TLK1: variants seen among roughly 807,000 people sequenced by gnomAD.
The protein encoded by TLK1 is tousled like kinase 1.
In TLK1, 24 loss-of-function variants were observed where a neutral mutation model predicts 105.3. The ratio of observed to expected loss-of-function variants is 0.23; its 90% confidence interval spans 0.17 to 0.32. The LOEUF (loss-of-function observed/expected upper bound fraction) is 0.32. Ranked by LOEUF, TLK1 falls within the 10% of genes least tolerant of loss-of-function variation. The pLI, the probability that TLK1 is intolerant of heterozygous loss-of-function variation, is 1.00. For synonymous variants in TLK1, 321 were observed against 310.4 expected, an observed-to-expected ratio of 1.03 and a Z score of -0.36; for missense variants, 558 against 910.5, an observed-to-expected ratio of 0.61 and a Z score of 4.98.
chr2:171,177,134 CTCTTT>C (rs948952287), intron 1 of TLK1, among the ~76,000 whole-genome samples: 1 of 150,788 alleles, frequency 6.6e-6, no homozygotes, highest in African/African-American at 2.4e-5. Context: ...TGCCTGACTC[CTCTTT>C]TCTTTTTTCT....
intron 1 of TLK1, among the ~76,000 whole-genome samples, chr2:171,186,950 C>T (rs1020541994): frequency 6.9e-6 from 1 of 145,608 alleles, no homozygotes; most frequent in Non-Finnish European, 1.5e-5. Context: ...CCCAGCTACT[C>T]GGGAGGCTGA....
chr2:171,117,900 G>A lies in TLK1; in HGVS notation c.140-43C>T, dbSNP rs749654625. On this transcript the variant is annotated intron_variant, in intron 1 of 20. Coordinates refer to ENST00000431350, the MANE Select transcript of TLK1 (RefSeq NM_012290.5). ...TATATATGTACACATATATATGTGT[G>A]TATACTTTATACTTACACACACAAA... 6.0e-6 allele frequency: 8 copies of A among 1,334,312 alleles called. No individual in the cohort carries two copies. The Admixed American group carries it at 6.2e-5, about 10-fold the overall frequency. 82.7% of individuals were successfully genotyped at this position (1,334,312 alleles called of 1,614,324 possible). A position where few individuals can be genotyped will look rare whatever the true frequency, so the allele number is the denominator to read the frequency against.
intron 14 of TLK1, among the ~76,000 whole-genome samples, chr2:171,008,630 C>CAT: frequency 6.6e-6 from 1 of 152,152 alleles, no homozygotes; most frequent in East Asian, 1.9e-4. Context: ...CAACATCTCC[C>CAT]ATCCTGGTAT....
chr2:171,135,303 TTGTGTG>T (rs769053145), intron 1 of TLK1, among the ~76,000 whole-genome samples: 1 of 106,070 alleles, frequency 9.4e-6, no homozygotes, highest in Non-Finnish European at 1.9e-5. Context: ...ATGTGTGTGT[TTGTGTG>T]TGTGTGTGTG....
At chr2:171,146,297 C>T (rs1003421923) in intron 1 of TLK1, among the ~76,000 whole-genome samples, 2 of 144,828 alleles carry the variant, frequency 1.4e-5, no homozygotes, top group South Asian at 2.1e-4. Flanking sequence ...ATACTCCAGC[C>T]GGGACAACAG....
intron 11 of TLK1, among the ~76,000 whole-genome samples, chr2:171,036,387 TC>T (rs907484114): frequency 3.3e-5 from 5 of 150,826 alleles, no homozygotes; most frequent in Admixed American, 6.6e-5. Flanking sequence ...AGACTCTGTC[TC>T]CCCCCCCAAA....
At chr2:171,045,426 C>CAACATGTTGGCCAGGCTGG (rs200238000) in intron 11 of TLK1, 1 of 135,038 alleles carries the variant, frequency 7.4e-6, no homozygotes, top group Non-Finnish European at 1.6e-5. Flanking sequence ...GACGGGGTTT[C>CAACATGTTGGCCAGGCTGG]TCTCTGAGAA....
chr2:171,202,334 C>T (rs953368355), intron 1 of TLK1, among the ~76,000 whole-genome samples: 4 of 152,102 alleles, frequency 2.6e-5, no homozygotes, highest in African/African-American at 9.7e-5. Context: ...TGCCTGTAAT[C>T]CCAGCTACTC....
Position 171,060,085 on chromosome 2 carries a change from T to C in TLK1, c.406+996A>G, listed in dbSNP as rs192305988. ...ACTGAAAGCCAGACTAAAGCAAATA[T>C]AAGTGAGGAAGGTGAAACAAGAAAA... On this transcript the variant is annotated intron_variant, in intron 4 of 20. Transcript: ENST00000431350. The C allele has an allele frequency of 9.2e-5, 142 of 1,545,812 alleles. No individual in the cohort carries two copies. The African/African-American group carries it at 1.6e-3, about 18-fold the overall frequency.
chr2:171,089,048 CT>C (rs1689107538), intron 2 of TLK1, among the ~76,000 whole-genome samples: 1 of 152,098 alleles, frequency 6.6e-6, no homozygotes, highest in South Asian at 2.1e-4. Flanking sequence ...TGCCCGGCTA[CT>C]TTTTGTATTT....
chr2:171,034,987 T>A (rs910841522), intron 11 of TLK1, among the ~76,000 whole-genome samples: 1 of 151,990 alleles, frequency 6.6e-6, no homozygotes, highest in Non-Finnish European at 1.5e-5. Context: ...TGGGGGCAGG[T>A]CTTTCCCATG....
chr2:171,103,877 T>A (rs1689803114), intron 2 of TLK1, among the ~76,000 whole-genome samples: 1 of 152,174 alleles, frequency 6.6e-6, no homozygotes, highest in Non-Finnish European at 1.5e-5. Context: ...CCTAAAAGCT[T>A]CACCAAAAAG....
intron 1 of TLK1, among the ~76,000 whole-genome samples, chr2:171,206,206 T>C (rs1388011627): frequency 6.6e-6 from 1 of 152,214 alleles, no homozygotes; most frequent in Admixed American, 6.5e-5. Context: ...AGACATTGTG[T>C]CATAGTTTAA....
intron 2 of TLK1, among the ~76,000 whole-genome samples, chr2:171,100,415 C>G (rs1179566456): frequency 6.6e-6 from 1 of 152,080 alleles, no homozygotes; most frequent in Non-Finnish European, 1.5e-5. Context: ...GATTTAGTTC[C>G]AGCAAGAGCA....
chr2:171,161,551 A>T (rs1354940306), upstream of TLK1, among the ~76,000 whole-genome samples: 1 of 152,226 alleles, frequency 6.6e-6, no homozygotes, highest in African/African-American at 2.4e-5. Flanking sequence ...AGAATCTTTA[A>T]TGAGGAAATT....
At chr2:170,996,077 A>G (rs977436619) in intron 20 of TLK1, among the ~76,000 whole-genome samples, 3 of 151,852 alleles carry the variant, frequency 2.0e-5, no homozygotes, top group Non-Finnish European at 4.4e-5. Context: ...GGCTCACTGC[A>G]GCCTTGACCT....
chr2:171,168,043 C>T (rs1426363765), intron 1 of TLK1, among the ~76,000 whole-genome samples: 1 of 151,808 alleles, frequency 6.6e-6, no homozygotes, highest in Non-Finnish European at 1.5e-5. Flanking sequence ...ATAAATTTAT[C>T]ACATTAAGAG....
chr2:171,135,781 G>T, intron 1 of TLK1, among the ~76,000 whole-genome samples: 1 of 151,516 alleles, frequency 6.6e-6, no homozygotes, highest in East Asian at 1.9e-4. Flanking sequence ...CAACGTGGGC[G>T]ACAAGAAAAA....
intron 1 of TLK1, among the ~76,000 whole-genome samples, chr2:171,129,832 TAACATAA>T (rs1247740970): frequency 1.1e-5 from 1 of 88,588 alleles, no homozygotes; most frequent in Non-Finnish European, 2.7e-5. Flanking sequence ...GGTTACCAAA[TAACATAA>T]CATAACATAA....
Sources: allele counts gnomAD v4.1 joint callset (sites outside exome capture counted in the v4.1 genomes callset), GRCh38; gene constraint gnomAD v4.1.1; transcripts MANE v1.5; gene names NCBI Gene and HGNC (gene_info 2026-07-23, HGNC 2026-07-21).